ABHD2: variants seen among roughly 807,000 people sequenced by gnomAD.
The protein encoded by ABHD2 is abhydrolase domain containing 2, acylglycerol lipase.
ABHD2 carries 20 observed loss-of-function variants against 48.1 expected under a neutral mutation model. The observed-to-expected ratio is 0.42, with a 90% CI of 0.29 to 0.60. The LOEUF (loss-of-function observed/expected upper bound fraction) is 0.60. Ranked by LOEUF, ABHD2 falls within the 20% of genes least tolerant of loss-of-function variation. ABHD2 has a pLI of 0.24. For missense variants in ABHD2, 405 were observed against 550.9 expected (o/e 0.74, Z 2.65); for synonymous variants, 209 against 214.2 (o/e 0.98, Z 0.21).
At chr15:89,110,444 G>T (rs1007268566) in intron 1 of ABHD2, among the ~76,000 whole-genome samples, 1 of 152,040 alleles carries the variant, frequency 6.6e-6, no homozygotes, top group African/African-American at 2.4e-5. Flanking sequence ...ATTCGCTAAG[G>T]CTGGGTTCTA....
chr15:89,176,009 G>T lies in ABHD2; in HGVS notation c.722+14G>T. 6.3e-7 allele frequency: 1 copy of T among 1,581,378 alleles called. No individual in the cohort carries two copies. Among genetic ancestry groups the T allele is most frequent in the Non-Finnish European group, 8.6e-7 (1 of 1,162,486 alleles). On this transcript the variant is annotated intron_variant, in intron 6 of 10. Coordinates refer to ENST00000352732, the MANE Select transcript of ABHD2 (RefSeq NM_152924.5). The surrounding 1 kb of genome is among the most constrained non-coding windows in gnomAD (Gnocchi z 4.5). ...CAGTGCACTGAGGTGAGTCATCTCC[G>T]CCTTCCATCAGGGCCTTCAGTTAGC...
At position 89,102,380 on chromosome 15, in the gene ABHD2, T is replaced by C. The variant is rs2049714619; in HGVS notation, c.-106-11345T>C. On this transcript the variant is annotated intron_variant, in intron 1 of 10. Coordinates refer to ENST00000352732, the MANE Select transcript of ABHD2 (RefSeq NM_152924.5). The surrounding 1 kb of genome is among the most constrained non-coding windows in gnomAD (Gnocchi z 4.8). ...TTATGGATGCTGTGTATCATACTTCTTTCATAGCCCCCACAGAGGTTAGAG... is the reference window on the plus strand; with the variant it reads ...TTATGGATGCTGTGTATCATACTTCCTTCATAGCCCCCACAGAGGTTAGAG... 1 of 152,270 alleles carries C rather than the reference T, an allele frequency of 6.6e-6. No individual in the cohort carries two copies. Among genetic ancestry groups the C allele is most frequent in the Non-Finnish European group, 1.5e-5 (1 of 68,050 alleles). The allele number at this position is 152,270 out of a possible 1,614,324, so 9.4% of individuals were successfully genotyped here. A position where few individuals can be genotyped will look rare whatever the true frequency, so the allele number is the denominator to read the frequency against.
At chr15:89,098,584 C>T (rs566747451) in intron 1 of ABHD2, among the ~76,000 whole-genome samples, 1 of 152,296 alleles carries the variant, frequency 6.6e-6, no homozygotes, top group Non-Finnish European at 1.5e-5. Context: ...TCCAAATATC[C>T]TGGCTGCAGT....
chr15:89,190,332 A>G (rs1446383664), intron 8 of ABHD2, among the ~76,000 whole-genome samples: 5 of 152,208 alleles, frequency 3.3e-5, no homozygotes, highest in African/African-American at 2.4e-5. Context: ...GCGGCCCCTC[A>G]TTCATGCTGA....
In ABHD2 at chr15:89,175,676, CA is replaced by C; in HGVS notation, c.539-135del. ...CTCTCTCCACACACATCCCCCGACA[CA>C]CACACGTATATATACACATATATAT... is the stretch of plus-strand genomic sequence containing the variant. On this transcript the variant is annotated intron_variant, in intron 5 of 10. Transcript: ENST00000352732. The surrounding 1 kb of genome is among the most constrained non-coding windows in gnomAD (Gnocchi z 5.7). The C allele has an allele frequency of 1.1e-6, 1 of 902,538 alleles. No homozygotes were observed. Among genetic ancestry groups the C allele is most frequent in the Non-Finnish European group, 1.7e-6 (1 of 593,426 alleles). The allele number at this position is 902,538 out of a possible 1,614,324, so 55.9% of individuals were successfully genotyped here.
rs905808090 is a variant in ABHD2, at chr15:89,141,015, C to G, written c.195-10662C>G. Among the ~76,000 whole-genome samples, 3 of 151,896 alleles carry G rather than the reference C, an allele frequency of 2.0e-5. No homozygotes were observed. The South Asian group carries it at 6.2e-4, about 32-fold the overall frequency. ...ACAGAGTCTTACTCTGTCACCCATG[C>G]TGGAGTGCAGTGGCCCGATCATAAC... On this transcript the variant is annotated intron_variant, in intron 3 of 10. Transcript: ENST00000352732.
the ABHD2 span, among the ~76,000 whole-genome samples, chr15:89,067,680 C>G: frequency 0.018 from 2,714 of 152,304 alleles, 53 homozygotes; most frequent in African/African-American, 0.045. Flanking sequence ...TCCCAATACT[C>G]AGCTTTTCTC....
At chr15:89,069,674 C>CT in the ABHD2 span, among the ~76,000 whole-genome samples, 222 of 52,872 alleles carry the variant, frequency 4.2e-3, 22 homozygotes, top group Middle Eastern at 0.024. Flanking sequence ...TTCATTTACT[C>CT]TTTTTTTTTT....
intron 3 of ABHD2, among the ~76,000 whole-genome samples, chr15:89,122,955 A>G (rs1036854114): frequency 6.6e-6 from 1 of 152,258 alleles, no homozygotes; most frequent in African/African-American, 2.4e-5. Flanking sequence ...TGCAGAGTCC[A>G]GAGAAGGGAG....
Position 89,186,454 on chromosome 15 carries a change from C to T in ABHD2, c.815+938C>T, listed in dbSNP as rs2051211877. ...CATTCCCTCTAGCTGGACTAGGCTA[C>T]TTAGAGGTTCCTGTGTCCCCTGGCC... is the stretch of plus-strand genomic sequence containing the variant. On this transcript the variant is annotated intron_variant, in intron 7 of 10. Coordinates refer to ENST00000352732, the MANE Select transcript of ABHD2 (RefSeq NM_152924.5). The surrounding 1 kb of genome is among the most constrained non-coding windows in gnomAD (Gnocchi z 4.3). 6.6e-6 allele frequency among the ~76,000 whole-genome samples: 1 copy of T among 152,150 alleles called. No individual in the cohort carries two copies. Among genetic ancestry groups the T allele is most frequent in the Non-Finnish European group, 1.5e-5 (1 of 68,030 alleles).
chr15:89,089,278 A>G (rs1901496805), intron 1 of ABHD2, among the ~76,000 whole-genome samples: 2 of 152,208 alleles, frequency 1.3e-5, no homozygotes, highest in South Asian at 4.1e-4. Context: ...ACCCATCTGT[A>G]AGGGCCTTCT....
chr15:89,070,916 G>A, the ABHD2 span, among the ~76,000 whole-genome samples: 1,942 of 152,090 alleles, frequency 0.013, 13 homozygotes, highest in Middle Eastern at 0.027. Context: ...TGGCTCTGCC[G>A]TCCGGAAGGG....
At position 89,094,714 on chromosome 15, in the gene ABHD2, G is replaced by GCAA. The variant is rs1399372828; in HGVS notation, c.-107+6167_-107+6169dup. ...CAGAGCAAGACTCCGTCTCAAAACA[G>GCAA]CAACAACAACAACAACAAAAACAAA... On this transcript the variant is annotated intron_variant, in intron 1 of 10. Coordinates refer to ENST00000352732, the MANE Select transcript of ABHD2 (RefSeq NM_152924.5). This position sits in a 1 kb window ranked among gnomAD's most constrained non-coding sequence, Gnocchi z 4.7. 1.3e-5 allele frequency among the ~76,000 whole-genome samples: 2 copies of GCAA among 149,756 alleles called. No homozygotes were observed. The highest frequency in any genetic ancestry group is 2.1e-4 in the South Asian group (1 of 4,702).
At chr15:89,081,166 AT>A in the ABHD2 span, among the ~76,000 whole-genome samples, 7,581 of 115,286 alleles carry the variant, frequency 0.066, 464 homozygotes, top group African/African-American at 0.21. Flanking sequence ...TGCCCAGCTA[AT>A]TTTTTTTTTT....
rs191900934 is a variant in ABHD2, at chr15:89,088,720, C to T, written c.-107+157C>T. Reference sequence around the variant, plus strand: ...CCTGTCATCTGGCGCCGTGGGGGTCCCAGGGGCTGGCTTGCCCAGTGGTGG... The same window carrying T: ...CCTGTCATCTGGCGCCGTGGGGGTCTCAGGGGCTGGCTTGCCCAGTGGTGG... On this transcript the variant is annotated intron_variant, in intron 1 of 10. Coordinates refer to ENST00000352732, the MANE Select transcript of ABHD2 (RefSeq NM_152924.5). This position sits in a 1 kb window ranked among gnomAD's most constrained non-coding sequence, Gnocchi z 6.8. Among the ~76,000 whole-genome samples the T allele has an allele frequency of 6.4e-4, 97 of 152,362 alleles. No individual in the cohort carries two copies. The highest frequency in any genetic ancestry group is 2.2e-3 in the African/African-American group (92 of 41,598).
chr15:89,056,988 A>T, the ABHD2 span, among the ~76,000 whole-genome samples: 1 of 135,232 alleles, frequency 7.4e-6, no homozygotes. Context: ...ATCTCGGCTC[A>T]CTGCAATCTC....
chr15:89,112,689 C>T (rs528916378), intron 1 of ABHD2, among the ~76,000 whole-genome samples: 1 of 152,296 alleles, frequency 6.6e-6, no homozygotes, highest in Non-Finnish European at 1.5e-5. Context: ...AGCTGTCTGA[C>T]TTTGGGCAAG....
At chr15:89,042,929 A>C in the ABHD2 span, among the ~76,000 whole-genome samples, 1 of 151,962 alleles carries the variant, frequency 6.6e-6, no homozygotes, top group South Asian at 2.1e-4. Context: ...CAACTTCCCA[A>C]AGTGCTGGTA....
Position 89,135,424 on chromosome 15 carries a change from G to A in ABHD2, c.195-16253G>A, listed in dbSNP as rs12595155. The A allele has an allele frequency of 2.9e-3, 1,780 of 606,692 alleles. 18 individuals are homozygous for A. The highest frequency in any genetic ancestry group is 0.018 in the East Asian group (666 of 36,148). The allele number at this position is 606,692 out of a possible 1,614,324, so 37.6% of individuals were successfully genotyped here. A position where few individuals can be genotyped will look rare whatever the true frequency, so the allele number is the denominator to read the frequency against. The stretch of plus-strand genomic sequence containing the variant: ...AACTATACAAAAAAAAAAAGACATT[G>A]TACAGTTTAAAAACAAATCTTACAC... On this transcript the variant is annotated intron_variant, in intron 3 of 10. Coordinates refer to ENST00000352732, the MANE Select transcript of ABHD2 (RefSeq NM_152924.5).
Sources: allele counts gnomAD v4.1 joint callset (sites outside exome capture counted in the v4.1 genomes callset), GRCh38; gene constraint gnomAD v4.1.1; non-coding constraint Gnocchi (gnomAD v3.1); transcripts MANE v1.5; gene names NCBI Gene and HGNC (gene_info 2026-07-23, HGNC 2026-07-21).